UMAD1: variants seen among roughly 807,000 people sequenced by gnomAD.
UMAD1 encodes the protein UBAP1-MVB12-associated (UMA) domain containing 1, also known as UBAP1-MVB12-associated (UMA)-domain containing protein 1.
Under a neutral mutation model 6.1 loss-of-function variants are expected in UMAD1, and 8 were observed. That is an observed-to-expected ratio of 1.30 (90% CI 0.76 to 2.35). The LOEUF is 2.35. Ranked by LOEUF, UMAD1 falls within the 30% of genes most tolerant of loss-of-function variation. The pLI is 0.00. For synonymous variants in UMAD1, 56 were observed against 31.4 expected (o/e 1.78, Z -2.61); for missense variants, 130 against 78.4 (o/e 1.66, Z -2.49).
At chr7:7,667,548 A>T (rs929190878) in intron 1 of UMAD1, among the ~76,000 whole-genome samples, 1 of 152,188 alleles carries the variant, frequency 6.6e-6, no homozygotes, top group Non-Finnish European at 1.5e-5. Flanking sequence ...GTTCACTGCT[A>T]CACCTACAGT....
intron 2 of UMAD1, among the ~76,000 whole-genome samples, chr7:7,706,755 AGCT>A (rs1489064345): frequency 6.6e-6 from 1 of 152,204 alleles, no homozygotes; most frequent in Non-Finnish European, 1.5e-5. Flanking sequence ...AGTAAGTGAC[AGCT>A]GGGATTTTAA....
chr7:7,737,900 C>T (rs1781391308), intron 2 of UMAD1, among the ~76,000 whole-genome samples: 1 of 152,186 alleles, frequency 6.6e-6, no homozygotes, highest in East Asian at 1.9e-4. Flanking sequence ...GAGGCCTAGC[C>T]CAGCACTTGC....
chr7:7,865,805 A>AAGGGGACTTTGGAGTAGATG (rs1414812365), intron 3 of UMAD1, among the ~76,000 whole-genome samples: 1 of 152,178 alleles, frequency 6.6e-6, no homozygotes, highest in African/African-American at 2.4e-5. Flanking sequence ...CAGGTTGGTT[A>AAGGGGACTTTGGAGTAGATG]AGGGGACTTT....
intron 2 of UMAD1, among the ~76,000 whole-genome samples, chr7:7,756,589 C>G (rs1484850978): frequency 1.3e-5 from 2 of 152,166 alleles, no homozygotes; most frequent in African/African-American, 2.4e-5. Context: ...TTACTCTGTT[C>G]TTTCATGAAT....
intron 2 of UMAD1, among the ~76,000 whole-genome samples, chr7:7,796,034 G>A (rs1782670729): frequency 6.6e-6 from 1 of 152,022 alleles, no homozygotes; most frequent in African/African-American, 2.4e-5. Flanking sequence ...CAAGGGGACA[G>A]AACCACTTGT....
chr7:7,677,830 C>T (rs976594530), intron 2 of UMAD1, among the ~76,000 whole-genome samples: 11 of 151,102 alleles, frequency 7.3e-5, no homozygotes, highest in East Asian at 1.9e-4. Flanking sequence ...CCCGCCACTA[C>T]GCCCGGCTAA....
chr7:7,773,102 A>C (rs1415513409), intron 2 of UMAD1, among the ~76,000 whole-genome samples: 1 of 152,200 alleles, frequency 6.6e-6, no homozygotes, highest in Non-Finnish European at 1.5e-5. Context: ...TACAGGTTTT[A>C]AAGATGATTT....
intron 2 of UMAD1, among the ~76,000 whole-genome samples, chr7:7,683,363 C>G (rs1190963733): frequency 6.6e-6 from 1 of 151,320 alleles, no homozygotes. Flanking sequence ...CCAGATGATT[C>G]TAGAGTTCAT....
intron 3 of UMAD1, among the ~76,000 whole-genome samples, chr7:7,860,459 T>C (rs896038429): frequency 6.6e-6 from 1 of 151,924 alleles, no homozygotes; most frequent in Admixed American, 6.6e-5. Context: ...TTTCCACCTT[T>C]TACTTAAAAA....
intron 2 of UMAD1, among the ~76,000 whole-genome samples, chr7:7,790,971 A>C (rs147302041): frequency 6.6e-6 from 1 of 151,902 alleles, no homozygotes; most frequent in African/African-American, 2.4e-5. Flanking sequence ...GCTCACTGCA[A>C]CCTCCGCCTC....
At chr7:7,876,784 A>G (rs920147021) in intron 3 of UMAD1, among the ~76,000 whole-genome samples, 4 of 152,338 alleles carry the variant, frequency 2.6e-5, no homozygotes, top group South Asian at 2.1e-4. Flanking sequence ...CAAGGACCCT[A>G]TAGTCTAGTT....
At chr7:7,869,906 A>G (rs12668141) in intron 3 of UMAD1, among the ~76,000 whole-genome samples, 4 of 151,918 alleles carry the variant, frequency 2.6e-5, no homozygotes, top group African/African-American at 4.8e-5. Flanking sequence ...CATTTTTCCA[A>G]CCCTTTGCTG....
intron 3 of UMAD1, among the ~76,000 whole-genome samples, chr7:7,833,591 G>A (rs561678075): frequency 5.3e-5 from 8 of 152,126 alleles, no homozygotes; most frequent in Admixed American, 2.0e-4. Flanking sequence ...GTCAGGAAGC[G>A]GGCAGATTTC....
chr7:7,831,672 A>G (rs1783469732), intron 3 of UMAD1, among the ~76,000 whole-genome samples: 2 of 152,146 alleles, frequency 1.3e-5, no homozygotes, highest in African/African-American at 4.8e-5. Flanking sequence ...TTTGACAATT[A>G]CCTAACTTTG....
At chr7:7,851,272 C>T (rs530218262) in intron 3 of UMAD1, among the ~76,000 whole-genome samples, 9 of 152,222 alleles carry the variant, frequency 5.9e-5, no homozygotes, top group East Asian at 3.9e-4. Context: ...TATTCCATTG[C>T]GTGGCTATAC....
chr7:7,738,545 G>T (rs1027392975), intron 2 of UMAD1: 2 of 152,182 alleles, frequency 1.3e-5, no homozygotes, highest in African/African-American at 4.8e-5. Flanking sequence ...GAATATAAAT[G>T]AACTTTATTT....
chr7:7,729,827 C>T (rs553234630), intron 2 of UMAD1, among the ~76,000 whole-genome samples: 9 of 152,312 alleles, frequency 5.9e-5, no homozygotes, highest in African/African-American at 1.9e-4. Context: ...CCTTGAAAAA[C>T]GTAAATTTTA....
At chr7:7,647,678 G>C (rs1286058423) in intron 1 of UMAD1, among the ~76,000 whole-genome samples, 1 of 152,148 alleles carries the variant, frequency 6.6e-6, no homozygotes, top group Admixed American at 6.5e-5. Flanking sequence ...CGTGATTGTG[G>C]TGCAATGCAG....
At chr7:7,805,444 A>G (rs1442833533) in intron 3 of UMAD1, among the ~76,000 whole-genome samples, 3 of 152,128 alleles carry the variant, frequency 2.0e-5, no homozygotes, top group Non-Finnish European at 4.4e-5. Context: ...TATATCCGGA[A>G]TGTGACTGCT....
Sources: allele counts gnomAD v4.1 joint callset (sites outside exome capture counted in the v4.1 genomes callset), GRCh38; gene constraint gnomAD v4.1.1; transcripts MANE v1.5; gene names NCBI Gene and HGNC (gene_info 2026-07-23, HGNC 2026-07-21).